DLG2: variants seen among roughly 807,000 people sequenced by gnomAD.
The protein encoded by DLG2 is disks large homolog 2.
Under a neutral mutation model 132.5 loss-of-function variants are expected in DLG2, and 45 were observed. The observed-to-expected ratio is 0.34, with a 90% CI of 0.27 to 0.44. DLG2 has a LOEUF of 0.44. Among genes scored for constraint, DLG2 ranks in the 20% least tolerant of loss-of-function variants. The probability of loss-of-function intolerance (pLI) is 1.00; values close to 1 mark genes in which losing one functional copy is unlikely to be tolerated. For synonymous variants in DLG2, 424 were observed against 419.6 expected (o/e 1.01, Z -0.13); for missense variants, 1,045 against 1,196.9 (o/e 0.87, Z 1.87).
At chr11:84,102,696 T>C (rs932766405) in intron 9 of DLG2, among the ~76,000 whole-genome samples, 9 of 152,128 alleles carry the variant, frequency 5.9e-5, no homozygotes, top group Admixed American at 5.9e-4. Flanking sequence ...AAAGGATTCT[T>C]TTGGGACTCT....
At chr11:83,675,355 T>C (rs1244681236) in intron 18 of DLG2, among the ~76,000 whole-genome samples, 1 of 152,234 alleles carries the variant, frequency 6.6e-6, no homozygotes, top group African/African-American at 2.4e-5. Flanking sequence ...AGCAAACACA[T>C]GTACAAAAAT....
At chr11:83,895,145 C>CTT (rs11287512) in intron 15 of DLG2, among the ~76,000 whole-genome samples, 9,441 of 87,836 alleles carry the variant, frequency 0.11, 456 homozygotes, top group East Asian at 0.37. Context: ...GAACTACTGT[C>CTT]TTTTTTTTTT....
chr11:84,715,234 G>C (rs576631116), intron 6 of DLG2, among the ~76,000 whole-genome samples: 9 of 152,108 alleles, frequency 5.9e-5, no homozygotes, highest in African/African-American at 2.2e-4. Context: ...GAAAGAAAGA[G>C]GTGCTCAAGT....
intron 5 of DLG2, among the ~76,000 whole-genome samples, chr11:85,129,757 G>A (rs1490990292): frequency 6.6e-6 from 1 of 152,108 alleles, no homozygotes. Context: ...ACATGCACAC[G>A]TATGTTTATT....
At chr11:84,388,882 T>C (rs545135617) in intron 7 of DLG2, among the ~76,000 whole-genome samples, 8 of 152,258 alleles carry the variant, frequency 5.3e-5, no homozygotes, top group African/African-American at 1.7e-4. Context: ...ACTGACTACA[T>C]TGAAATTCTT....
intron 6 of DLG2, among the ~76,000 whole-genome samples, chr11:85,002,823 C>A (rs960256878): frequency 1.3e-5 from 2 of 151,850 alleles, no homozygotes; most frequent in Admixed American, 1.3e-4. Context: ...GATAGCAAGA[C>A]CGACCTTCCT....
rs188138503 is a variant in DLG2, at chr11:84,373,390, T to A, written c.520-122099A>T. 5.3e-5 allele frequency among the ~76,000 whole-genome samples: 8 copies of A among 150,860 alleles called. No individual in the cohort carries two copies. The East Asian group carries it at 1.6e-3, about 30-fold the overall frequency. ...TTCGAGACCAGCCTGGCCAACAAGA[T>A]GAAACCCCGTCTCTACTAAAAATAG... On this transcript the variant is annotated intron_variant, in intron 7 of 27. Transcript: ENST00000376104.
chr11:85,483,029 A>G (rs2093336462), intron 3 of DLG2, among the ~76,000 whole-genome samples: 1 of 152,248 alleles, frequency 6.6e-6, no homozygotes, highest in Admixed American at 6.5e-5. Flanking sequence ...AGAAAGACAA[A>G]GCGTAGCAGA....
intron 4 of DLG2, among the ~76,000 whole-genome samples, chr11:85,207,211 A>C (rs2081956815): frequency 6.6e-6 from 1 of 152,172 alleles, no homozygotes; most frequent in Non-Finnish European, 1.5e-5. Flanking sequence ...GGGAAAACAG[A>C]GTTTACCTTC....
intron 7 of DLG2, among the ~76,000 whole-genome samples, chr11:84,346,027 A>C (rs950253025): frequency 6.6e-6 from 1 of 152,226 alleles, no homozygotes; most frequent in African/African-American, 2.4e-5. Context: ...TCTTCTATTT[A>C]TCAAAGCAGT....
At chr11:85,099,916 A>G (rs2070589486) in intron 6 of DLG2, among the ~76,000 whole-genome samples, 1 of 152,174 alleles carries the variant, frequency 6.6e-6, no homozygotes, top group Non-Finnish European at 1.5e-5. Flanking sequence ...CAAACCAATC[A>G]CTTGCGCTTC....
intron 15 of DLG2, among the ~76,000 whole-genome samples, chr11:83,908,109 C>T (rs1464270549): frequency 6.6e-6 from 1 of 152,150 alleles, no homozygotes; most frequent in Non-Finnish European, 1.5e-5. Context: ...TTCTTATGCA[C>T]AGTAAAGTGT....
intron 6 of DLG2, among the ~76,000 whole-genome samples, chr11:84,932,971 T>G (rs1475201836): frequency 6.6e-6 from 1 of 152,194 alleles, no homozygotes; most frequent in Non-Finnish European, 1.5e-5. Context: ...TAATTTACAT[T>G]CCCACCAACA....
At chr11:84,402,309 G>A (rs972475032) in intron 7 of DLG2, among the ~76,000 whole-genome samples, 1 of 152,100 alleles carries the variant, frequency 6.6e-6, no homozygotes, top group African/African-American at 2.4e-5. Context: ...ACCACAGTGA[G>A]GGCAGTTATT....
At chr11:84,229,096 G>A (rs889171157) in intron 8 of DLG2, among the ~76,000 whole-genome samples, 1 of 152,106 alleles carries the variant, frequency 6.6e-6, no homozygotes, top group Admixed American at 6.5e-5. Flanking sequence ...AAATAACTGA[G>A]AGACAAAATG....
intron 9 of DLG2, among the ~76,000 whole-genome samples, chr11:84,105,115 G>A (rs1190228824): frequency 6.6e-6 from 1 of 152,130 alleles, no homozygotes; most frequent in East Asian, 1.9e-4. Flanking sequence ...TGCAATGGTA[G>A]GGAAGTAATA....
At chr11:84,827,805 T>A (rs2078532561) in intron 6 of DLG2, among the ~76,000 whole-genome samples, 1 of 150,344 alleles carries the variant, frequency 6.7e-6, no homozygotes, top group South Asian at 2.1e-4. Context: ...TCCAACGACA[T>A]GGATGAAACT....
chr11:84,610,913 T>C (rs1015093762), intron 6 of DLG2, among the ~76,000 whole-genome samples: 2 of 151,986 alleles, frequency 1.3e-5, no homozygotes, highest in African/African-American at 4.8e-5. Flanking sequence ...CTGCCAAGTT[T>C]CTTCACCTGG....
chr11:84,591,989 G>C (rs1216608797), intron 6 of DLG2, among the ~76,000 whole-genome samples: 1 of 152,100 alleles, frequency 6.6e-6, no homozygotes, highest in Non-Finnish European at 1.5e-5. Context: ...GAGTAGCTGG[G>C]ACCATAGGCA....
Sources: allele counts gnomAD v4.1 joint callset (sites outside exome capture counted in the v4.1 genomes callset), GRCh38; gene constraint gnomAD v4.1.1; transcripts MANE v1.5; gene names NCBI Gene and HGNC (gene_info 2026-07-23, HGNC 2026-07-21).